The following TEAD1 variants were observed in gnomAD, a reference collection of about 807,000 sequenced individuals.
TEAD1 encodes the protein TEA domain transcription factor 1.
Under a neutral mutation model 54.9 loss-of-function variants are expected in TEAD1, and 9 were observed. The ratio of observed to expected loss-of-function variants is 0.16; its 90% CI spans 0.10 to 0.29. The LOEUF (loss-of-function observed/expected upper bound fraction) is 0.29, where lower values mean the gene tolerates loss of function less well. Among genes scored for constraint, TEAD1 ranks in the 10% least tolerant of loss-of-function variants. TEAD1 has a pLI of 1.00. For missense variants in TEAD1, 387 were observed against 535.9 expected (o/e 0.72, Z 2.74); for synonymous variants, 200 against 187.8 (o/e 1.07, Z -0.53).
At chr11:12,872,110 G>T (rs544661093) in intron 5 of TEAD1, among the ~76,000 whole-genome samples, 3 of 152,134 alleles carry the variant, frequency 2.0e-5, no homozygotes, top group Admixed American at 1.3e-4. Flanking sequence ...TCAAATTGTT[G>T]ATTTAATTCT....
intron 3 of TEAD1, among the ~76,000 whole-genome samples, chr11:12,861,859 G>A (rs1397373824): frequency 1.1e-4 from 16 of 152,286 alleles, no homozygotes; most frequent in African/African-American, 3.8e-4. Context: ...GATGGCGCAC[G>A]CCTGTAATCC....
chr11:12,708,444 G>GA (rs1943865577), intron 2 of TEAD1, among the ~76,000 whole-genome samples: 1 of 152,006 alleles, frequency 6.6e-6, no homozygotes. Flanking sequence ...CCTGCTGCAG[G>GA]AATTAACTCC....
intron 2 of TEAD1, among the ~76,000 whole-genome samples, chr11:12,758,937 G>T (rs1945046326): frequency 6.6e-6 from 1 of 152,122 alleles, no homozygotes; most frequent in South Asian, 2.1e-4. Flanking sequence ...GGAGCTACAG[G>T]TGCTGTGTGG....
intron 2 of TEAD1, among the ~76,000 whole-genome samples, chr11:12,746,634 G>C (rs113256497): frequency 1.6e-4 from 25 of 152,282 alleles, no homozygotes; most frequent in African/African-American, 6.0e-4. Context: ...ATGTTCAAAG[G>C]TCTTCCTTTT....
intron 5 of TEAD1, among the ~76,000 whole-genome samples, chr11:12,869,452 C>G (rs568196742): frequency 6.6e-6 from 1 of 152,122 alleles, no homozygotes; most frequent in South Asian, 2.1e-4. Context: ...AAGTTCTGTC[C>G]TTATGAAGTC....
chr11:12,893,435 A>G (rs1948240486), intron 9 of TEAD1, among the ~76,000 whole-genome samples: 1 of 152,126 alleles, frequency 6.6e-6, no homozygotes, highest in African/African-American at 2.4e-5. Flanking sequence ...TGTTTCTAAG[A>G]TGCTCTGGCC....
At chr11:12,740,666 C>T (rs1944632301) in intron 2 of TEAD1, among the ~76,000 whole-genome samples, 1 of 152,106 alleles carries the variant, frequency 6.6e-6, no homozygotes, top group African/African-American at 2.4e-5. Flanking sequence ...CCTTATAAAA[C>T]CATCAGATCT....
At position 12,938,888 on chromosome 11, in the gene TEAD1, T is replaced by C. The variant is rs1353553208; in HGVS notation, c.*1666T>C. On this transcript the variant is annotated 3_prime_UTR_variant, in exon 13 of 13. Coordinates refer to ENST00000527636, the MANE Select transcript of TEAD1 (RefSeq NM_021961.6). The stretch of plus-strand genomic sequence containing the variant: ...AGAACATGAAATAAGTTTTTTAACT[T>C]GTAAAACATGTCAAGATTTTTCCAC... 1 of 152,270 alleles carries C rather than the reference T, an allele frequency of 6.6e-6. No homozygotes were observed. The highest frequency in any genetic ancestry group is 1.5e-5 in the Non-Finnish European group (1 of 68,048). 9.4% of individuals were successfully genotyped at this position (152,270 alleles called of 1,614,324 possible). A position where few individuals can be genotyped will look rare whatever the true frequency, so the allele number is the denominator to read the frequency against.
At chr11:12,743,328 T>C (rs1216049629) in intron 2 of TEAD1, among the ~76,000 whole-genome samples, 1 of 152,230 alleles carries the variant, frequency 6.6e-6, no homozygotes, top group African/African-American at 2.4e-5. Context: ...GAGGGTGGCC[T>C]GGGCATAGGG....
chr11:12,823,197 A>T (rs1224775833), intron 3 of TEAD1, among the ~76,000 whole-genome samples: 1 of 152,210 alleles, frequency 6.6e-6, no homozygotes, highest in African/African-American at 2.4e-5. Flanking sequence ...ATAATGACAA[A>T]TTAGACCTTG....
chr11:12,887,197 C>T (rs1366548372), intron 9 of TEAD1, among the ~76,000 whole-genome samples: 1 of 150,476 alleles, frequency 6.6e-6, no homozygotes, highest in Non-Finnish European at 1.5e-5. Flanking sequence ...CCCAGGTTCA[C>T]TCCATTCTCC....
intron 2 of TEAD1, among the ~76,000 whole-genome samples, chr11:12,757,738 T>G (rs560304961): frequency 6.6e-6 from 1 of 152,346 alleles, no homozygotes; most frequent in African/African-American, 2.4e-5. Context: ...TATCAAAGAA[T>G]ATTTGTGTTT....
chr11:12,918,159 G>C (rs1948747465), intron 10 of TEAD1, among the ~76,000 whole-genome samples: 1 of 152,104 alleles, frequency 6.6e-6, no homozygotes, highest in African/African-American at 2.4e-5. Context: ...GGACGTGTCA[G>C]TAGGGTAGAT....
intron 8 of TEAD1, 77 bp downstream of exon 8, chr11:12,882,034 A>G: frequency 6.6e-7 from 1 of 1,504,978 alleles, no homozygotes; most frequent in Non-Finnish European, 9.2e-7. Flanking sequence ...TTGTTCCCAG[A>G]GTCAAGAGAT....
At chr11:12,834,017 A>G (rs1946833289) in intron 3 of TEAD1, among the ~76,000 whole-genome samples, 1 of 152,182 alleles carries the variant, frequency 6.6e-6, no homozygotes, top group East Asian at 1.9e-4. Flanking sequence ...ATTGAGTTGC[A>G]ATTGTTGCAT....
At chr11:12,927,618 T>C (rs779516790) in intron 11 of TEAD1, among the ~76,000 whole-genome samples, 4 of 152,204 alleles carry the variant, frequency 2.6e-5, no homozygotes, top group Admixed American at 6.5e-5. Context: ...TGCATCAAAC[T>C]TAGATGTTCT....
chr11:12,890,420 C>T (rs556362801), intron 9 of TEAD1, among the ~76,000 whole-genome samples: 5 of 152,196 alleles, frequency 3.3e-5, no homozygotes, highest in East Asian at 1.9e-4. Context: ...AAAAGGGGAC[C>T]GCTGCTTTAG....
chr11:12,853,125 C>T (rs992643619), intron 3 of TEAD1, among the ~76,000 whole-genome samples: 8 of 152,108 alleles, frequency 5.3e-5, no homozygotes, highest in African/African-American at 1.2e-4. Context: ...GTTTCAGGCA[C>T]GTTTCAGGTG....
At chr11:12,724,489 A>G (rs934092999) in intron 2 of TEAD1, among the ~76,000 whole-genome samples, 1 of 152,192 alleles carries the variant, frequency 6.6e-6, no homozygotes, top group Non-Finnish European at 1.5e-5. Flanking sequence ...GTTTGTAATG[A>G]AGAGGGGCAG....
Sources: gnomAD v4.1 joint callset for allele counts (sites outside exome capture counted in the v4.1 genomes callset) on GRCh38, gnomAD v4.1.1 for gene constraint, MANE v1.5 for transcripts, NCBI Gene and HGNC (gene_info 2026-07-23, HGNC 2026-07-21) for gene names.